The following PRKG2 variants were observed in gnomAD, a reference collection of about 807,000 sequenced individuals.
The protein encoded by PRKG2 is protein kinase cGMP-dependent 2.
A neutral mutation model predicts 97.2 loss-of-function variants in PRKG2; 33 were observed. The observed-to-expected ratio is 0.34, with a 90% CI of 0.26 to 0.45. The LOEUF (loss-of-function observed/expected upper bound fraction) is 0.45. Among genes scored for constraint, PRKG2 ranks in the 20% least tolerant of loss-of-function variants. PRKG2 has a pLI of 1.00. For synonymous variants in PRKG2, 330 were observed against 321.8 expected (o/e 1.03, Z -0.27); for missense variants, 638 against 900.0 (o/e 0.71, Z 3.73).
At chr4:81,127,760 A>C (rs989624680) in intron 14 of PRKG2, among the ~76,000 whole-genome samples, 42 of 152,316 alleles carry the variant, frequency 2.8e-4, no homozygotes, top group African/African-American at 9.6e-4. Flanking sequence ...TAAATATACA[A>C]TCATGTCATC....
intron 14 of PRKG2, among the ~76,000 whole-genome samples, chr4:81,134,132 G>C (rs911887968): frequency 6.6e-6 from 1 of 152,026 alleles, no homozygotes; most frequent in African/African-American, 2.4e-5. Flanking sequence ...TCACATGAAA[G>C]GGCTTTTATT....
intron 14 of PRKG2, among the ~76,000 whole-genome samples, 166 bp from the exon 15 acceptor site, chr4:81,110,777 G>GACAGACAGACAGACA (rs1450401980): frequency 4.6e-4 from 39 of 85,602 alleles, no homozygotes; most frequent in African/African-American, 1.1e-3. Flanking sequence ...ACAGACAGAC[G>GACAGACAGACAGACA]GACAGACAGA....
intron 12 of PRKG2, 151 bp from the exon 13 acceptor site, chr4:81,137,633 C>T (rs530920668): frequency 3.2e-6 from 2 of 626,068 alleles, no homozygotes; most frequent in African/African-American, 1.8e-5. Context: ...TCGCCAAATC[C>T]TCTTTGATTT....
chr4:81,163,101 G>A (rs934287217), intron 6 of PRKG2, among the ~76,000 whole-genome samples: 2 of 152,198 alleles, frequency 1.3e-5, no homozygotes, highest in Non-Finnish European at 1.5e-5. Flanking sequence ...TTTTCTCCAC[G>A]GATGATTCTT....
At chr4:81,153,007 C>T (rs761632372) in intron 7 of PRKG2, among the ~76,000 whole-genome samples, 1 of 152,152 alleles carries the variant, frequency 6.6e-6, no homozygotes, top group Non-Finnish European at 1.5e-5. Context: ...CAAGAATTGG[C>T]CCTTCCCTTC....
At chr4:81,158,725 G>A (rs9884976) in intron 6 of PRKG2, among the ~76,000 whole-genome samples, 2 of 152,220 alleles carry the variant, frequency 1.3e-5, no homozygotes, top group East Asian at 3.9e-4. Context: ...AACCAAAACA[G>A]CATGGTGCTG....
rs1410039535 is a variant in PRKG2, at chr4:81,137,416, C to T, written c.1611G>A (p.Glu537=). ...YMLLEACLGG[E]LWSILRDRGS... ...ACCTGTCCCTTAATATACTCCAGAG[C>T]TCCCCACCTAAGCAGGCCTCCAGAA... is the stretch of plus-strand genomic sequence containing the variant. The change falls in exon 13 of 19, where the codon GAG becomes GAA. Residue 537 remains glutamate, a synonymous_variant. Coordinates refer to ENST00000264399, the MANE Select transcript of PRKG2 (RefSeq NM_006259.3). 1.9e-6 allele frequency: 3 copies of T among 1,611,696 alleles called. No homozygotes were observed. The highest frequency in any genetic ancestry group is 4.5e-5 in the East Asian group (2 of 44,868).
At chr4:81,203,360 A>G (rs1753434550) in intron 2 of PRKG2, among the ~76,000 whole-genome samples, 1 of 152,134 alleles carries the variant, frequency 6.6e-6, no homozygotes, top group Non-Finnish European at 1.5e-5. Flanking sequence ...TCCTTCACAA[A>G]TATTTATTGA....
intron 2 of PRKG2, among the ~76,000 whole-genome samples, chr4:81,184,453 C>T (rs1751699156): frequency 6.6e-6 from 1 of 152,124 alleles, no homozygotes; most frequent in African/African-American, 2.4e-5. Flanking sequence ...TCAACATCAA[C>T]AAAATGGATG....
At chr4:81,135,409 G>T in intron 13 of PRKG2, 113 bp from the exon 14 acceptor site, 1 of 1,105,160 alleles carries the variant, frequency 9.0e-7, no homozygotes. Context: ...ATATTTTGCA[G>T]GGTATCAACA....
At chr4:81,208,378 G>A (rs1372500600) in intron 1 of PRKG2, among the ~76,000 whole-genome samples, 1 of 152,124 alleles carries the variant, frequency 6.6e-6, no homozygotes, top group Non-Finnish European at 1.5e-5. Flanking sequence ...TTTCTGGGTA[G>A]GACAGAAGTC....
chr4:81,194,356 C>T (rs950061369), intron 2 of PRKG2, among the ~76,000 whole-genome samples: 7 of 151,674 alleles, frequency 4.6e-5, no homozygotes, highest in African/African-American at 1.5e-4. Context: ...GGATACGCAT[C>T]TCTATTTTCT....
chr4:81,096,179 T>C (rs1447014498), intron 17 of PRKG2, among the ~76,000 whole-genome samples: 2 of 152,162 alleles, frequency 1.3e-5, no homozygotes, highest in Non-Finnish European at 2.9e-5. Flanking sequence ...TAACTTTTCA[T>C]TTCATAAAAG....
At chr4:81,155,448 T>C (rs1234498402) in intron 6 of PRKG2, among the ~76,000 whole-genome samples, 1 of 151,946 alleles carries the variant, frequency 6.6e-6, no homozygotes. Flanking sequence ...CAAATCTACG[T>C]CTGATTGGTG....
intron 15 of PRKG2, among the ~76,000 whole-genome samples, chr4:81,108,359 C>A (rs984301568): frequency 6.6e-6 from 1 of 151,806 alleles, no homozygotes; most frequent in Non-Finnish European, 1.5e-5. Flanking sequence ...AGATAATAAA[C>A]GAGACAGTCA....
At chr4:81,111,709 G>GA (rs1483257985) in intron 14 of PRKG2, among the ~76,000 whole-genome samples, 2 of 152,026 alleles carry the variant, frequency 1.3e-5, no homozygotes, top group African/African-American at 4.8e-5. Context: ...AGAATAGACA[G>GA]AAAAAAAGCT....
intron 15 of PRKG2, 139 bp downstream of exon 15, chr4:81,110,309 G>C: frequency 1.1e-6 from 1 of 877,130 alleles, no homozygotes; most frequent in Non-Finnish European, 1.7e-6. Context: ...GTGAAACAAT[G>C]TCATGAGAAA....
At chr4:81,132,687 T>C (rs1746297248) in intron 14 of PRKG2, among the ~76,000 whole-genome samples, 1 of 152,190 alleles carries the variant, frequency 6.6e-6, no homozygotes, top group South Asian at 2.1e-4. Flanking sequence ...AAGAGGGTAG[T>C]CCAATGCAAG....
intron 2 of PRKG2, among the ~76,000 whole-genome samples, chr4:81,203,723 T>C (rs1353356168): frequency 6.6e-6 from 1 of 151,312 alleles, no homozygotes; most frequent in Non-Finnish European, 1.5e-5. Context: ...CACACATGTG[T>C]GCGCACACAC....
Sources: gnomAD v4.1 joint callset for allele counts (sites outside exome capture counted in the v4.1 genomes callset) on GRCh38, gnomAD v4.1.1 for gene constraint, MANE v1.5 for transcripts, NCBI Gene and HGNC (gene_info 2026-07-23, HGNC 2026-07-21) for gene names.